Variants in GLYATL1 observed in about 807,000 individuals in gnomAD.
GLYATL1 encodes glycine N-acyltransferase-like protein 1.
In GLYATL1, 15 loss-of-function variants were observed where a neutral mutation model predicts 20.0. The observed-to-expected ratio is 0.75, with a 90% CI of 0.50 to 1.15. The LOEUF is 1.15. GLYATL1 is among the 50% of genes most tolerant of loss of function. The probability of loss-of-function intolerance (pLI) is 0.00; values close to 1 mark genes in which losing one functional copy is unlikely to be tolerated. For missense variants in GLYATL1, 380 were observed against 368.5 expected (o/e 1.03, Z -0.26); for synonymous variants, 151 against 131.5 (o/e 1.15, Z -1.01).
At chr11:58,923,198 G>T (rs1456675622), upstream of GLYATL1, among the ~76,000 whole-genome samples, 1 of 152,196 alleles carries the variant, frequency 6.6e-6, no homozygotes, top group Non-Finnish European at 1.5e-5. Context: ...AGGTCTCTGA[G>T]GCAGTGATAG....
chr11:58,917,816 TG>T (rs1375518765), intron 1 of GLYATL1, among the ~76,000 whole-genome samples: 1 of 152,250 alleles, frequency 6.6e-6, no homozygotes, highest in Non-Finnish European at 1.5e-5. Flanking sequence ...GAGGGAATGC[TG>T]GAAGTCTCCA....
chr11:58,947,899 C>T lies in GLYATL1; in HGVS notation c.120C>T (p.Phe40=). Residue 40 remains phenylalanine, a synonymous_variant, in exon 4 of 7, where the codon TTC becomes TTT. Coordinates refer to ENST00000532726, the MANE Select transcript of GLYATL1 (RefSeq NM_001389712.2). ...ATCACATCAATCACGGGAACCCCTT[C>T]AACATGGAGGTGCTGGTGGATTCCT... The part of the protein sequence containing the change: ...SVYHINHGNP[F]NMEVLVDSWP... The T allele has an allele frequency of 2.5e-6, 4 of 1,614,010 alleles. No homozygotes were observed. The highest frequency in any genetic ancestry group is 3.4e-6 in the Non-Finnish European group (4 of 1,179,912).
In GLYATL1 at chr11:58,943,621, G is replaced by T; in HGVS notation, c.-88G>T. 6.2e-7 allele frequency: 1 copy of T among 1,613,658 alleles called. No homozygotes were observed. The highest frequency in any genetic ancestry group is 1.3e-5 in the African/African-American group (1 of 75,022). On this transcript the variant is annotated 5_prime_UTR_variant, in exon 2 of 7. Transcript: ENST00000532726. ...AAGTGAACACGGAAGGTACCTGCAG[G>T]ATCCAATTGTGTCCATTGATCTCTC... is the stretch of plus-strand genomic sequence containing the variant.
At chr11:58,934,078 G>T in intron 1 of GLYATL1, 1 of 153,728 alleles carries the variant, frequency 6.5e-6, no homozygotes, top group Non-Finnish European at 1.4e-5. Flanking sequence ...GTGTCTGCAG[G>T]GGCTGGCCAG....
chr11:58,912,934 T>G (rs12285888), downstream of GLYATL1, among the ~76,000 whole-genome samples: 965 of 152,234 alleles, frequency 6.3e-3, 13 homozygotes, highest in African/African-American at 0.022. Context: ...AAGTGGCAAG[T>G]GTGTGCCTGG....
chr11:58,947,986 T>C (rs920821754), intron 4 of GLYATL1, 21 bp downstream of exon 4: 2 of 1,550,452 alleles, frequency 1.3e-6, no homozygotes, highest in African/African-American at 2.7e-5. Context: ...AGACAGGGAC[T>C]GGTGGAGCCA....
chr11:58,919,778 C>T (rs998286294), intron 1 of GLYATL1, among the ~76,000 whole-genome samples: 2 of 152,202 alleles, frequency 1.3e-5, no homozygotes, highest in African/African-American at 4.8e-5. Flanking sequence ...TTGTTCTCGG[C>T]ACAAGTTAGA....
chr11:58,923,549 A>G (rs541452737), upstream of GLYATL1, among the ~76,000 whole-genome samples: 4 of 151,888 alleles, frequency 2.6e-5, no homozygotes, highest in Admixed American at 1.3e-4. Context: ...CAAAGGGAGT[A>G]ACCTCTGATC....
At chr11:58,920,794 C>T (rs766784007) in intron 1 of GLYATL1, among the ~76,000 whole-genome samples, 13 of 152,120 alleles carry the variant, frequency 8.5e-5, no homozygotes, top group East Asian at 3.8e-4. Context: ...GTGCGGTACC[C>T]GGATTTTCAG....
chr11:58,932,018 G>A (rs1590779316), intron 1 of GLYATL1, among the ~76,000 whole-genome samples: 1 of 144,532 alleles, frequency 6.9e-6, no homozygotes. Context: ...AGGCTGAGGT[G>A]GGAAAATCAC....
chr11:58,944,362 G>A (rs1856414767), intron 2 of GLYATL1, among the ~76,000 whole-genome samples: 1 of 152,146 alleles, frequency 6.6e-6, no homozygotes, highest in African/African-American at 2.4e-5. Flanking sequence ...CAGAATTGTG[G>A]TGAATGGGGA....
At chr11:58,918,134 G>C (rs10896878) in intron 1 of GLYATL1, among the ~76,000 whole-genome samples, 23,592 of 152,072 alleles carry the variant, frequency 0.16, 1,992 homozygotes, top group East Asian at 0.31. Flanking sequence ...TGGTTGTTTT[G>C]TCTACTAGGA....
At chr11:58,951,129 A>G (rs1347159482) in intron 4 of GLYATL1, among the ~76,000 whole-genome samples, 1 of 152,004 alleles carries the variant, frequency 6.6e-6, no homozygotes, top group African/African-American at 2.4e-5. Flanking sequence ...GATTTTTGCT[A>G]CTCGAAGATC....
chr11:58,944,046 T>C (rs1856384630), intron 2 of GLYATL1, among the ~76,000 whole-genome samples: 1 of 151,966 alleles, frequency 6.6e-6, no homozygotes, highest in South Asian at 2.1e-4. Context: ...ATATTTTAGA[T>C]AAAAATGGGA....
intron 1 of GLYATL1, chr11:58,927,889 A>T (rs1196014083): frequency 6.6e-6 from 1 of 152,168 alleles, no homozygotes; most frequent in African/African-American, 2.4e-5. Flanking sequence ...AGGGAAGACG[A>T]GGTGATAAGG....
At chr11:58,922,853 C>T (rs929810488), upstream of GLYATL1, among the ~76,000 whole-genome samples, 11 of 152,150 alleles carry the variant, frequency 7.2e-5, no homozygotes, top group African/African-American at 2.7e-4. Flanking sequence ...TCTGGATGCC[C>T]TGACTGTCCT....
chr11:58,934,573 G>A (rs1453871838), upstream of GLYATL1: 1 of 152,338 alleles, frequency 6.6e-6, no homozygotes, highest in Non-Finnish European at 1.5e-5. Flanking sequence ...CACAAAGGGT[G>A]GCTTGGGTCC....
At chr11:58,945,880 A>T (rs1194632014) in intron 2 of GLYATL1, among the ~76,000 whole-genome samples, 1 of 152,192 alleles carries the variant, frequency 6.6e-6, no homozygotes, top group African/African-American at 2.4e-5. Context: ...TTGTTTAAAC[A>T]TTGCTTCATC....
In GLYATL1 at chr11:58,947,965, G is replaced by C. The variant is rs1355643492; in HGVS notation, c.186G>C (p.Gln62His). Residue 62 changes from glutamine (Q) to histidine (H), a missense_variant and splice_region_variant, in exon 4 of 7, where the codon CAG (glutamine) becomes CAC (histidine). Gln to His is a conservative substitution (Grantham distance 24, BLOSUM62 0). Transcript: ENST00000532726. ...TGGTTATTATCCGGCCTCAAAAGCA[G>C]GTAGGCACACAGACAGGGACTGGTG... is the stretch of plus-strand genomic sequence containing the variant. ...YQMVIIRPQKQEMTDDMDSYT... is the reference protein window; with the variant it reads ...YQMVIIRPQKHEMTDDMDSYT... The C allele has an allele frequency of 6.2e-7, 1 of 1,608,628 alleles. No individual in the cohort carries two copies. Among genetic ancestry groups the C allele is most frequent in the Non-Finnish European group, 8.5e-7 (1 of 1,175,156 alleles).
Sources: allele counts gnomAD v4.1 joint callset (sites outside exome capture counted in the v4.1 genomes callset), GRCh38; gene constraint gnomAD v4.1.1; transcripts MANE v1.5; gene names NCBI Gene and HGNC (gene_info 2026-07-23, HGNC 2026-07-21).